Variants in TAB2 observed in about 807,000 individuals in gnomAD.
TAB2 encodes the protein TGF-beta activated kinase 1 (MAP3K7) binding protein 2, also known as TGF-beta-activated kinase 1 and MAP3K7-binding protein 2.
TAB2 carries 3 observed loss-of-function variants against 65.0 expected under a neutral mutation model. The observed-to-expected ratio is 0.05, with a 90% CI of 0.02 to 0.12. The LOEUF is 0.12. Among genes scored for constraint, TAB2 ranks in the 10% least tolerant of loss-of-function variants. The probability of loss-of-function intolerance (pLI) is 1.00; values close to 1 mark genes in which losing one functional copy is unlikely to be tolerated. For missense variants in TAB2, 623 were observed against 840.3 expected, an observed-to-expected ratio of 0.74 and a Z score of 3.20; for synonymous variants, 298 against 285.1, an observed-to-expected ratio of 1.05 and a Z score of -0.46.
intron 1 of TAB2, among the ~76,000 whole-genome samples, chr6:149,348,809 C>G (rs1246699396): frequency 1.3e-5 from 2 of 151,528 alleles, no homozygotes; most frequent in African/African-American, 4.8e-5. Context: ...ACTAAAAATA[C>G]AAAAAAATTA....
intron 2 of TAB2, among the ~76,000 whole-genome samples, chr6:149,376,894 C>G (rs574102492): frequency 3.3e-5 from 5 of 149,454 alleles, no homozygotes; most frequent in African/African-American, 7.4e-5. Flanking sequence ...GTTCCCCCCC[C>G]CCACTCTGGA....
At chr6:149,386,509 A>T (rs1277846404) in intron 3 of TAB2, among the ~76,000 whole-genome samples, 1 of 152,114 alleles carries the variant, frequency 6.6e-6, no homozygotes, top group Non-Finnish European at 1.5e-5. Flanking sequence ...TTCTCGATAA[A>T]TTTACATATT....
chr6:149,397,133 A>G (rs112113546), intron 3 of TAB2, among the ~76,000 whole-genome samples: 2 of 152,064 alleles, frequency 1.3e-5, no homozygotes, highest in African/African-American at 2.4e-5. Flanking sequence ...GACTAAAACA[A>G]TTTTTCAGTT....
chr6:149,364,792 G>T (rs530879336), intron 1 of TAB2, among the ~76,000 whole-genome samples: 3 of 150,612 alleles, frequency 2.0e-5, no homozygotes, highest in African/African-American at 7.3e-5. Context: ...ATCTGGAGAC[G>T]TGGTCTCGTG....
At chr6:149,275,138 T>TTTTTTA (rs1778433979) in intron 1 of TAB2, among the ~76,000 whole-genome samples, 4 of 127,534 alleles carry the variant, frequency 3.1e-5, no homozygotes, top group South Asian at 2.6e-4. Context: ...TTTTTTTTTT[T>TTTTTTA]TTTTTGAGTT....
intron 1 of TAB2, among the ~76,000 whole-genome samples, chr6:149,339,368 AAAAAAAAT>A (rs968381835): frequency 1.4e-5 from 2 of 144,406 alleles, no homozygotes; most frequent in African/African-American, 5.3e-5. Flanking sequence ...ACTCCGTTTC[AAAAAAAAT>A]GAAAAAAAGA....
At position 149,306,514 on chromosome 6, in the gene TAB2, C is replaced by G. The variant is rs370031626; in HGVS notation, c.-120-71504C>G. Among the ~76,000 whole-genome samples, 701 of 149,850 alleles carry G rather than the reference C, an allele frequency of 4.7e-3. 4 individuals carry two copies. Among genetic ancestry groups the G allele is most frequent in the Middle Eastern group, 0.028 (8 of 290 alleles). On this transcript the variant is annotated intron_variant, in intron 1 of 1. Transcript: ENST00000606202. ...CGGAGCTTGCAGTGAGCCAAGATCG[C>G]GCCACTGCACTCCAGCCCAGGCGAC...
intron 1 of TAB2, among the ~76,000 whole-genome samples, chr6:149,312,467 A>G: frequency 6.6e-6 from 1 of 152,176 alleles, no homozygotes; most frequent in Admixed American, 6.5e-5. Flanking sequence ...GGTTCAAGCC[A>G]TTCTCATGCC....
Position 149,399,132 on chromosome 6 carries a change from T to C in TAB2, c.1887T>C (p.His629=), listed in dbSNP as rs370909147. 3.2e-5 allele frequency: 52 copies of C among 1,613,518 alleles called. No homozygotes were observed. The highest frequency in any genetic ancestry group is 4.2e-5 in the Non-Finnish European group (49 of 1,179,722). ...CACATTTTAACCCCAGCGCTATTCA[T>C]AACTTTTATGACAATATTGGATTTG... is the stretch of plus-strand genomic sequence containing the variant. ...RGPHFNPSAI[H]NFYDNIGFVG... is the part of the protein sequence containing the mutation. Residue 629 remains histidine, a synonymous_variant, in exon 6 of 7, where the codon CAT becomes CAC. Coordinates refer to ENST00000637181, the MANE Select transcript of TAB2 (RefSeq NM_001292034.3).
At chr6:149,348,796 T>A (rs1780389277) in intron 1 of TAB2, among the ~76,000 whole-genome samples, 1 of 151,898 alleles carries the variant, frequency 6.6e-6, no homozygotes, top group Non-Finnish European at 1.5e-5. Context: ...AAACCCCGTC[T>A]CTACTAAAAA....
intron 1 of TAB2, among the ~76,000 whole-genome samples, chr6:149,267,099 C>G (rs1482781968): frequency 6.6e-6 from 1 of 151,994 alleles, no homozygotes; most frequent in Non-Finnish European, 1.5e-5. Flanking sequence ...GCAGAAGGAC[C>G]AGTGAATGCC....
intron 1 of TAB2, among the ~76,000 whole-genome samples, chr6:149,248,452 A>AAGGAAGGAAGGAAGG (rs1562387099): frequency 5.5e-5 from 3 of 54,754 alleles, no homozygotes; most frequent in African/African-American, 1.6e-4. Context: ...AGGAAGGAAG[A>AAGGAAGGAAGGAAGG]AAAGAAGGAA....
intron 1 of TAB2, among the ~76,000 whole-genome samples, chr6:149,267,961 T>G (rs1291933348): frequency 1.3e-5 from 2 of 152,194 alleles, no homozygotes; most frequent in Admixed American, 6.5e-5. Context: ...TATAGGTAAA[T>G]GTCAAATTAA....
At chr6:149,288,598 C>T (rs1370439031) in intron 1 of TAB2, among the ~76,000 whole-genome samples, 2 of 152,162 alleles carry the variant, frequency 1.3e-5, no homozygotes, top group Non-Finnish European at 1.5e-5. Flanking sequence ...TAGTGAAAAG[C>T]TTAACTCCAG....
intron 1 of TAB2, among the ~76,000 whole-genome samples, chr6:149,330,709 C>A (rs1194774134): frequency 2.0e-5 from 3 of 152,156 alleles, no homozygotes; most frequent in East Asian, 1.9e-4. Context: ...TTTACAAATA[C>A]TTTCTCCTAG....
At chr6:149,336,891 G>A (rs2114767279) in intron 1 of TAB2, among the ~76,000 whole-genome samples, 2 of 149,910 alleles carry the variant, frequency 1.3e-5, no homozygotes, top group Admixed American at 1.3e-4. Flanking sequence ...GGGATCCAGG[G>A]ATACAATTTA....
At chr6:149,275,172 C>T (rs1583059747) in intron 1 of TAB2, among the ~76,000 whole-genome samples, 1 of 130,382 alleles carries the variant, frequency 7.7e-6, no homozygotes, top group East Asian at 2.1e-4. Context: ...ATTGCCCAGA[C>T]TAGAGTGCAG....
At chr6:149,346,882 G>C (rs747272961) in intron 1 of TAB2, among the ~76,000 whole-genome samples, 6 of 152,158 alleles carry the variant, frequency 3.9e-5, no homozygotes, top group Non-Finnish European at 5.9e-5. Context: ...GTTGGTGTAA[G>C]ATGAAAATTG....
chr6:149,324,685 A>G lies in TAB2; in HGVS notation c.-90+6670A>G, dbSNP rs114103159. Among the ~76,000 whole-genome samples, 1,027 of 152,290 alleles carry G rather than the reference A, an allele frequency of 6.7e-3. 10 individuals carry two copies. The highest frequency in any genetic ancestry group is 0.024 in the African/African-American group (977 of 41,538). On this transcript the variant is annotated intron_variant, in intron 1 of 6. Coordinates refer to ENST00000637181, the MANE Select transcript of TAB2 (RefSeq NM_001292034.3). ...TGCAGATGAAAACTTGAACTCAGCA[A>G]CTTGACCTTGCAGAACATTGTCCTC...
Sources: allele counts gnomAD v4.1 joint callset (sites outside exome capture counted in the v4.1 genomes callset), GRCh38; gene constraint gnomAD v4.1.1; transcripts MANE v1.5; gene names NCBI Gene and HGNC (gene_info 2026-07-23, HGNC 2026-07-21).